Variants in SH3D19 observed in about 807,000 individuals in gnomAD.
The protein encoded by SH3D19 is SH3 domain-containing protein 19.
In SH3D19, 58 loss-of-function variants were observed where a neutral mutation model predicts 112.1. The ratio of observed to expected loss-of-function variants is 0.52; its 90% CI spans 0.42 to 0.64. The LOEUF (loss-of-function observed/expected upper bound fraction) is 0.64. SH3D19 is among the 30% of genes least tolerant of loss of function. SH3D19 has a pLI of 0.00. For missense variants in SH3D19, 1,090 were observed against 1,263.4 expected, an observed-to-expected ratio of 0.86 and a Z score of 2.08; for synonymous variants, 391 against 448.5, an observed-to-expected ratio of 0.87 and a Z score of 1.62.
intron 1 of SH3D19, among the ~76,000 whole-genome samples, chr4:151,317,542 G>T (rs1730107342): frequency 6.6e-6 from 1 of 152,108 alleles, no homozygotes; most frequent in South Asian, 2.1e-4. Flanking sequence ...TGTGAGAGAG[G>T]GAAAGAAAAC....
chr4:151,209,307 G>A (rs183780478), intron 2 of SH3D19, among the ~76,000 whole-genome samples: 1 of 149,798 alleles, frequency 6.7e-6, no homozygotes, highest in Non-Finnish European at 1.5e-5. Context: ...AAGAGAAAGC[G>A]TCACTCTGTC....
intron 2 of SH3D19, among the ~76,000 whole-genome samples, chr4:151,220,658 T>C (rs1767875836): frequency 6.6e-6 from 1 of 152,238 alleles, no homozygotes. Flanking sequence ...TGGTACTTTT[T>C]CCTAGATGTT....
intron 1 of SH3D19, chr4:151,226,292 T>C (rs553850916): frequency 1.7e-6 from 2 of 1,207,726 alleles, no homozygotes; most frequent in African/African-American, 1.6e-5. Context: ...AGCTTACGGT[T>C]TGTTAAAATC....
intron 11 of SH3D19, chr4:151,144,362 T>C: frequency 1.4e-6 from 2 of 1,412,702 alleles, no homozygotes; most frequent in Non-Finnish European, 1.0e-6. Context: ...ATTTAGGAAT[T>C]TGGCATGTGT....
intron 19 of SH3D19, among the ~76,000 whole-genome samples, chr4:151,125,497 A>ACC (rs1245524498): frequency 2.5e-4 from 23 of 93,340 alleles, no homozygotes; most frequent in Non-Finnish European, 5.1e-4. Context: ...AAAACCAAAA[A>ACC]AAAAAAAAAA....
At chr4:151,128,116 G>A in intron 18 of SH3D19, 54 bp downstream of exon 18, 1 of 1,443,488 alleles carries the variant, frequency 6.9e-7, no homozygotes, top group Non-Finnish European at 9.3e-7. Context: ...ATATAGTTTT[G>A]AAGGTTTCAG....
At position 151,143,982 on chromosome 4, in the gene SH3D19, G is replaced by A; in HGVS notation, c.2151C>T (p.Asp717=). The A allele has an allele frequency of 6.2e-7, 1 of 1,614,078 alleles. No individual in the cohort carries two copies. Among genetic ancestry groups the A allele is most frequent in the Non-Finnish European group, 8.5e-7 (1 of 1,179,988 alleles). ...TTTGAGACAGGTGAACTCTGCCAGTGTCTTCTCCCTTTTGGCACTCCAAGT... is the reference window on the plus strand; with the variant it reads ...TTTGAGACAGGTGAACTCTGCCAGTATCTTCTCCCTTTTGGCACTCCAAGT... ...NNYLECQKGE[D]TGRVHLSQMK... Residue 717 remains aspartate (D), a synonymous_variant, in exon 12 of 20, where the codon GAC becomes GAT. Coordinates refer to ENST00000604030, the MANE Select transcript of SH3D19 (RefSeq NM_001378122.1).
chr4:151,239,599 C>T (rs1770399463), intron 1 of SH3D19, among the ~76,000 whole-genome samples: 1 of 152,128 alleles, frequency 6.6e-6, no homozygotes. Context: ...GGAAGCAATG[C>T]AATTACGACG....
At chr4:151,150,605 T>G (rs894661234) in intron 9 of SH3D19, among the ~76,000 whole-genome samples, 4 of 151,898 alleles carry the variant, frequency 2.6e-5, no homozygotes, top group Non-Finnish European at 5.9e-5. Flanking sequence ...GAAAGCAGTG[T>G]GCTGGTACCA....
At chr4:151,203,346 C>G (rs1764665037) in intron 2 of SH3D19, among the ~76,000 whole-genome samples, 1 of 152,206 alleles carries the variant, frequency 6.6e-6, no homozygotes, top group African/African-American at 2.4e-5. Flanking sequence ...CACCAATGCA[C>G]AGAACCTAAC....
chr4:151,269,197 G>A (rs62328355), intron 1 of SH3D19, among the ~76,000 whole-genome samples: 3 of 152,136 alleles, frequency 2.0e-5, no homozygotes, highest in East Asian at 1.9e-4. Context: ...GCCAGTGATG[G>A]TGAGCATTTT....
intron 9 of SH3D19, among the ~76,000 whole-genome samples, chr4:151,157,987 T>G (rs1469458625): frequency 6.6e-6 from 1 of 152,116 alleles, no homozygotes; most frequent in African/African-American, 2.4e-5. Flanking sequence ...AATACAAAAT[T>G]AGAGCTAGAC....
intron 1 of SH3D19, chr4:151,227,935 T>C (rs1171915886): frequency 6.1e-6 from 6 of 985,408 alleles, no homozygotes; most frequent in Non-Finnish European, 1.2e-6. Context: ...CAAGACTCAG[T>C]ATCCAAGGGC....
At chr4:151,131,643 C>T (rs1434435551) in intron 17 of SH3D19, among the ~76,000 whole-genome samples, 1 of 151,972 alleles carries the variant, frequency 6.6e-6, no homozygotes, top group South Asian at 2.1e-4. Context: ...CTGGTCACCA[C>T]ACCCGGCTGA....
intron 1 of SH3D19, among the ~76,000 whole-genome samples, chr4:151,315,684 G>C (rs1040657218): frequency 6.6e-5 from 10 of 152,094 alleles, no homozygotes; most frequent in Non-Finnish European, 1.5e-4. Flanking sequence ...TGGTGCAGTG[G>C]TGTGTGGCTG....
At chr4:151,322,245 C>T (rs1475926803) in intron 1 of SH3D19, among the ~76,000 whole-genome samples, 1 of 151,718 alleles carries the variant, frequency 6.6e-6, no homozygotes, top group Non-Finnish European at 1.5e-5. Context: ...TCACCCTGGC[C>T]AACATGGTGA....
chr4:151,274,997 G>A (rs753070337), intron 1 of SH3D19, among the ~76,000 whole-genome samples: 3 of 151,902 alleles, frequency 2.0e-5, no homozygotes, highest in Non-Finnish European at 2.9e-5. Context: ...CCAACCTAAT[G>A]ACCTCTTTTT....
At chr4:151,283,236 GA>G (rs1471788719) in intron 1 of SH3D19, 2 of 1,613,810 alleles carry the variant, frequency 1.2e-6, no homozygotes, top group Non-Finnish European at 1.7e-6. Context: ...AGTCATCAAG[GA>G]AGACAAGATT....
chr4:151,202,195 C>T (rs1238046618), intron 2 of SH3D19, among the ~76,000 whole-genome samples: 3 of 151,906 alleles, frequency 2.0e-5, no homozygotes, highest in Non-Finnish European at 2.9e-5. Flanking sequence ...ATTAGCCGGG[C>T]GTGGTGGCAC....
Sources: gnomAD v4.1 joint callset for allele counts (sites outside exome capture counted in the v4.1 genomes callset) on GRCh38, gnomAD v4.1.1 for gene constraint, MANE v1.5 for transcripts, NCBI Gene and HGNC (gene_info 2026-07-23, HGNC 2026-07-21) for gene names.